The following PSORS1C1 variants were observed in gnomAD, a reference collection of about 807,000 sequenced individuals.
PSORS1C1 encodes psoriasis susceptibility 1 candidate gene 1 protein.
A neutral mutation model predicts 9.4 loss-of-function variants in PSORS1C1; 7 were observed. That is an observed-to-expected ratio of 0.75 (90% CI 0.42 to 1.40). PSORS1C1 has a LOEUF of 1.40. Among genes scored for constraint, PSORS1C1 ranks in the 40% most tolerant of loss-of-function variants. The probability of loss-of-function intolerance (pLI) is 0.01; values close to 1 mark genes in which losing one functional copy is unlikely to be tolerated. For synonymous variants in PSORS1C1, 63 were observed against 69.4 expected (o/e 0.91, Z 0.46); for missense variants, 146 against 178.1 (o/e 0.82, Z 1.02).
chr6:31,122,672 G>A (rs993803631), intron 1 of PSORS1C1, among the ~76,000 whole-genome samples: 13 of 152,148 alleles, frequency 8.5e-5, no homozygotes, highest in African/African-American at 2.7e-4. Flanking sequence ...CCTGCTACTC[G>A]GGAGGCTGAG....
chr6:31,130,102 A>T (rs1458812402), intron 3 of PSORS1C1, among the ~76,000 whole-genome samples: 1 of 151,344 alleles, frequency 6.6e-6, no homozygotes, highest in South Asian at 2.1e-4. Flanking sequence ...AAAAAATAAA[A>T]AATTAATTAA....
At chr6:31,132,037 G>A (rs1772939561) in intron 3 of PSORS1C1, among the ~76,000 whole-genome samples, 1 of 152,178 alleles carries the variant, frequency 6.6e-6, no homozygotes, top group African/African-American at 2.4e-5. Flanking sequence ...CTTGAGCTCA[G>A]GAGTTTGAGA....
chr6:31,139,156 G>C lies in PSORS1C1; in HGVS notation c.167+377G>C. The C allele has an allele frequency of 1.4e-6, 1 of 717,540 alleles. No homozygotes were observed. Among genetic ancestry groups the C allele is most frequent in the Non-Finnish European group, 2.4e-6 (1 of 419,822 alleles). The allele number at this position is 717,540 out of a possible 1,614,324, so 44.4% of individuals were successfully genotyped here. A position where few individuals can be genotyped will look rare whatever the true frequency, so the allele number is the denominator to read the frequency against. ...CAGGAATACCATCAGAACAGAACTG[G>C]TCAAACCCGTTGGGAAGGCCTGGGC... On this transcript the variant is annotated intron_variant, in intron 5 of 5. Coordinates refer to ENST00000259881, the MANE Select transcript of PSORS1C1 (RefSeq NM_014068.3). The surrounding 1 kb of genome is among the most constrained non-coding windows in gnomAD (Gnocchi z 5.2).
chr6:31,126,852 C>G (rs1483706083), intron 2 of PSORS1C1, among the ~76,000 whole-genome samples: 1 of 141,274 alleles, frequency 7.1e-6, no homozygotes, highest in Admixed American at 6.9e-5. Flanking sequence ...GGCAGTCGCT[C>G]CCTGGCCGAA....
At chr6:31,130,622 C>T (rs181288056) in intron 3 of PSORS1C1, among the ~76,000 whole-genome samples, 115 of 152,134 alleles carry the variant, frequency 7.6e-4, no homozygotes, top group African/African-American at 2.0e-3. Context: ...ACCGTGGTCT[C>T]GATCTCCTGA....
chr6:31,130,450 C>T (rs1269501926), intron 3 of PSORS1C1, among the ~76,000 whole-genome samples: 2 of 151,022 alleles, frequency 1.3e-5, no homozygotes, highest in South Asian at 2.1e-4. Flanking sequence ...CTCACTCTGT[C>T]GTCCAGGCTG....
intron 2 of PSORS1C1, among the ~76,000 whole-genome samples, 197 bp downstream of exon 2, chr6:31,126,036 G>T (rs1772666536): frequency 6.6e-6 from 1 of 151,764 alleles, no homozygotes; most frequent in Admixed American, 6.6e-5. Flanking sequence ...CAAAGCCCCT[G>T]TAGGTGCTGG....
chr6:31,139,009 C>T lies in PSORS1C1; in HGVS notation c.167+230C>T. 8 of 1,614,124 alleles carry T rather than the reference C, an allele frequency of 5.0e-6. No individual in the cohort carries two copies. Among genetic ancestry groups the T allele is most frequent in the Non-Finnish European group, 6.8e-6 (8 of 1,179,974 alleles). ...GGCAAAGGACCAGGATCCCCAGGAGCTTCCAGTTGAGGATCATGGCTATGT... is the reference window on the plus strand; with the variant it reads ...GGCAAAGGACCAGGATCCCCAGGAGTTTCCAGTTGAGGATCATGGCTATGT... On this transcript the variant is annotated intron_variant, in intron 5 of 5. Transcript: ENST00000259881. This position sits in a 1 kb window ranked among gnomAD's most constrained non-coding sequence, Gnocchi z 5.2.
At position 31,128,813 on chromosome 6, in the gene PSORS1C1, G is replaced by T. The variant is rs920598058; in HGVS notation, c.-64-756G>T. Among the ~76,000 whole-genome samples the T allele has an allele frequency of 2.0e-5, 3 of 152,150 alleles. No homozygotes were observed. Among genetic ancestry groups the T allele is most frequent in the Non-Finnish European group, 2.9e-5 (2 of 68,022 alleles). On this transcript the variant is annotated intron_variant, in intron 2 of 5. Coordinates refer to ENST00000259881, the MANE Select transcript of PSORS1C1 (RefSeq NM_014068.3). The surrounding 1 kb of genome is among the most constrained non-coding windows in gnomAD (Gnocchi z 4.3). ...CTCCTGGGCTCCTACGTCAGGGTTT[G>T]CCCCCTCTCTAATTTAACTTTTTAT...
At chr6:31,130,836 C>T (rs1772880452) in intron 3 of PSORS1C1, among the ~76,000 whole-genome samples, 1 of 151,958 alleles carries the variant, frequency 6.6e-6, no homozygotes, top group Non-Finnish European at 1.5e-5. Context: ...GTGTGAGCCA[C>T]TGTGCCTGGC....
In PSORS1C1 at chr6:31,139,578, C is replaced by T; in HGVS notation, c.168-63C>T. 5 of 1,554,274 alleles carry T rather than the reference C, an allele frequency of 3.2e-6. No homozygotes were observed. The highest frequency in any genetic ancestry group is 4.4e-6 in the Non-Finnish European group (5 of 1,142,618). ...AGCTCCCCCTGGGGCTTCGTGCTTTCCTGGGCACTTCCCTTCCCCCATGGG... is the reference window on the plus strand; with the variant it reads ...AGCTCCCCCTGGGGCTTCGTGCTTTTCTGGGCACTTCCCTTCCCCCATGGG... On this transcript the variant is annotated intron_variant, in intron 5 of 5. Transcript: ENST00000259881. The surrounding 1 kb of genome is among the most constrained non-coding windows in gnomAD (Gnocchi z 5.2).
At chr6:31,138,120 A>G in intron 3 of PSORS1C1, 2 of 1,604,276 alleles carry the variant, frequency 1.2e-6, no homozygotes, top group Non-Finnish European at 1.7e-6. Context: ...AGGGAGCCAG[A>G]CTCCAGTTTC....
At chr6:31,127,724 G>A (rs1772744116) in intron 2 of PSORS1C1, among the ~76,000 whole-genome samples, 1 of 152,042 alleles carries the variant, frequency 6.6e-6, no homozygotes, top group Admixed American at 6.6e-5. Flanking sequence ...TGAGACAGGA[G>A]AATCACTTGA....
At chr6:31,135,993 A>G (rs777807077) in intron 3 of PSORS1C1, among the ~76,000 whole-genome samples, 4 of 152,176 alleles carry the variant, frequency 2.6e-5, no homozygotes, top group East Asian at 1.9e-4. Context: ...GGTTGAAGCT[A>G]TACGAGCCAT....
At chr6:31,118,271 G>A (rs3132550) in intron 1 of PSORS1C1, 26,989 of 152,446 alleles carry the variant, frequency 0.18, 2,587 homozygotes, top group Non-Finnish European at 0.23. Context: ...GCCCAGGCTG[G>A]GGTCAGGAAT....
chr6:31,130,583 T>C (rs1323462126), intron 3 of PSORS1C1, among the ~76,000 whole-genome samples: 3 of 151,986 alleles, frequency 2.0e-5, no homozygotes, highest in African/African-American at 7.3e-5. Context: ...GGCTAATTTT[T>C]TTTGTATTTT....
At chr6:31,129,173 T>C (rs1562766099) in intron 2 of PSORS1C1, among the ~76,000 whole-genome samples, 2 of 148,940 alleles carry the variant, frequency 1.3e-5, no homozygotes, top group Admixed American at 6.6e-5. Flanking sequence ...AGTTCTAGGT[T>C]CTTTTTTTTT....
intron 1 of PSORS1C1, among the ~76,000 whole-genome samples, chr6:31,123,972 C>CCTT (rs1562761099): frequency 6.6e-6 from 1 of 152,118 alleles, no homozygotes; most frequent in Non-Finnish European, 1.5e-5. Flanking sequence ...GGCAGCCAGA[C>CCTT]GTGGGGCCTT....
At chr6:31,129,786 A>G (rs1443953528) in intron 3 of PSORS1C1, 141 bp downstream of exon 3, 1 of 649,554 alleles carries the variant, frequency 1.5e-6, no homozygotes, top group African/African-American at 1.8e-5. Context: ...GTCTTCAAGA[A>G]GCTCATACTT....
Sources: allele counts gnomAD v4.1 joint callset (sites outside exome capture counted in the v4.1 genomes callset), GRCh38; gene constraint gnomAD v4.1.1; non-coding constraint Gnocchi (gnomAD v3.1); transcripts MANE v1.5; gene names NCBI Gene and HGNC (gene_info 2026-07-23, HGNC 2026-07-21).